Variants in CATSPERT observed in about 807,000 individuals in gnomAD.
CATSPERT encodes the protein catsper channel auxiliary subunit tau, also known as cation channel sperm-associated targeting subunit tau.
the CATSPERT span, among the ~76,000 whole-genome samples, chr2:201,520,222 T>C: frequency 0.053 from 8,132 of 152,246 alleles, 262 homozygotes; most frequent in African/African-American, 0.076. Context: ...CGATAATAGA[T>C]GGAGACTTCA....
the CATSPERT span, among the ~76,000 whole-genome samples, chr2:201,521,457 G>GAGACAC: frequency 1.1e-4 from 16 of 150,762 alleles, no homozygotes; most frequent in African/African-American, 2.2e-4. Flanking sequence ...GAGAGAAAGA[G>GAGACAC]ACACACAGAG....
chr2:201,601,972 C>A, the CATSPERT span: 2 of 968,762 alleles, frequency 2.1e-6, no homozygotes, highest in East Asian at 2.8e-5. Flanking sequence ...CGATTCAGAC[C>A]AAAACCTAAG....
At chr2:201,532,929 C>CA in the CATSPERT span, among the ~76,000 whole-genome samples, 10 of 152,060 alleles carry the variant, frequency 6.6e-5, no homozygotes, top group African/African-American at 2.4e-4. Flanking sequence ...GTTAAGGCCT[C>CA]AAAAAGATTT....
chr2:201,569,345 T>A, the CATSPERT span, among the ~76,000 whole-genome samples: 1 of 152,254 alleles, frequency 6.6e-6, no homozygotes, highest in East Asian at 1.9e-4. Flanking sequence ...AGGTTAGAAT[T>A]TAGTAGGCTT....
chr2:201,616,887 A>G, the CATSPERT span, among the ~76,000 whole-genome samples: 301 of 152,336 alleles, frequency 2.0e-3, no homozygotes, highest in African/African-American at 7.0e-3. Context: ...AATGTGCAAA[A>G]ATCACAAGCA....
chr2:201,568,483 T>C, the CATSPERT span, among the ~76,000 whole-genome samples: 28 of 152,256 alleles, frequency 1.8e-4, no homozygotes, highest in Admixed American at 1.7e-3. Context: ...ATTTGCCAGA[T>C]CTGTAGCTGC....
At chr2:201,615,872 GA>G in the CATSPERT span, among the ~76,000 whole-genome samples, 5 of 152,004 alleles carry the variant, frequency 3.3e-5, no homozygotes, top group Non-Finnish European at 5.9e-5. Flanking sequence ...TGATAAAGGG[GA>G]TATCACCACC....
chr2:201,610,299 T>C, the CATSPERT span, among the ~76,000 whole-genome samples: 132,813 of 151,938 alleles, frequency 0.87, 59,132 homozygotes, highest in South Asian at 0.98. Flanking sequence ...CTAAAATATA[T>C]GAAAAAAAAT....
At chr2:201,590,898 G>A in the CATSPERT span, among the ~76,000 whole-genome samples, 2 of 151,762 alleles carry the variant, frequency 1.3e-5, no homozygotes, top group African/African-American at 4.8e-5. Flanking sequence ...TGTCAGATGA[G>A]TAGGTTGCGA....
the CATSPERT span, among the ~76,000 whole-genome samples, chr2:201,544,821 C>CAAAA: frequency 2.3e-4 from 21 of 92,514 alleles, no homozygotes; most frequent in Non-Finnish European, 3.3e-4. Context: ...CCTGTCTCTA[C>CAAAA]AAAAAAAAAA....
At chr2:201,564,063 G>A in the CATSPERT span, among the ~76,000 whole-genome samples, 1 of 152,200 alleles carries the variant, frequency 6.6e-6, no homozygotes, top group African/African-American at 2.4e-5. Context: ...AAAACACCCG[G>A]TTGGGACCCC....
the CATSPERT span, among the ~76,000 whole-genome samples, chr2:201,548,941 C>G: frequency 6.6e-6 from 1 of 152,058 alleles, no homozygotes; most frequent in East Asian, 1.9e-4. Flanking sequence ...TCAAAACTGA[C>G]CAGCCAAGTA....
the CATSPERT span, chr2:201,487,483 A>G: frequency 1.1e-6 from 1 of 870,830 alleles, no homozygotes; most frequent in African/African-American, 1.7e-5. Flanking sequence ...TTGGTTGCTG[A>G]CTTCTGTCAC....
the CATSPERT span, among the ~76,000 whole-genome samples, chr2:201,562,385 C>G: frequency 6.6e-6 from 1 of 151,014 alleles, no homozygotes; most frequent in African/African-American, 2.4e-5. Flanking sequence ...GATGGGGTTT[C>G]ACTGTGTTAA....
the CATSPERT span, among the ~76,000 whole-genome samples, chr2:201,507,453 G>T: frequency 1.3e-5 from 2 of 152,108 alleles, no homozygotes; most frequent in African/African-American, 4.8e-5. Flanking sequence ...CAGAGTTATA[G>T]AACTTGCCAA....
the CATSPERT span, among the ~76,000 whole-genome samples, chr2:201,544,920 C>A: frequency 2.0e-5 from 3 of 151,892 alleles, no homozygotes; most frequent in East Asian, 5.8e-4. Flanking sequence ...CTGATTGAAC[C>A]CAGGAGGTCA....
the CATSPERT span, among the ~76,000 whole-genome samples, chr2:201,566,470 C>G: frequency 2.0e-5 from 3 of 150,860 alleles, no homozygotes; most frequent in Non-Finnish European, 4.4e-5. Flanking sequence ...GTTTTTTGTC[C>G]TTGCGATAGT....
chr2:201,567,402 T>C, the CATSPERT span, among the ~76,000 whole-genome samples: 1 of 152,186 alleles, frequency 6.6e-6, no homozygotes, highest in Admixed American at 6.5e-5. Context: ...ATAAATATAT[T>C]TATGATAAGC....
the CATSPERT span, among the ~76,000 whole-genome samples, chr2:201,613,204 T>C: frequency 1.3e-5 from 2 of 152,220 alleles, no homozygotes; most frequent in Non-Finnish European, 2.9e-5. Flanking sequence ...AAGAGAGCAG[T>C]GCTTCTCCTA....
Sources: allele counts gnomAD v4.1 joint callset (sites outside exome capture counted in the v4.1 genomes callset), GRCh38; gene constraint gnomAD v4.1.1; transcripts MANE v1.5; gene names NCBI Gene and HGNC (gene_info 2026-07-23, HGNC 2026-07-21).